STPG2: variants seen among roughly 807,000 people sequenced by gnomAD.
STPG2 encodes the protein sperm tail PG-rich repeat containing 2, also known as sperm-tail PG-rich repeat-containing protein 2.
A neutral mutation model predicts 54.2 loss-of-function variants in STPG2; 56 were observed. That is an observed-to-expected ratio of 1.03 (90% CI 0.83 to 1.29). The LOEUF is 1.29. Ranked by LOEUF, STPG2 falls within the 50% of genes most tolerant of loss-of-function variation. The pLI, the probability that STPG2 is intolerant of heterozygous loss-of-function variation, is 0.00. For missense variants in STPG2, 596 were observed against 544.9 expected, an observed-to-expected ratio of 1.09 and a Z score of -0.93; for synonymous variants, 200 against 181.8, an observed-to-expected ratio of 1.10 and a Z score of -0.81.
At chr4:97,505,344 T>C (rs998519454) in intron 4 of STPG2, among the ~76,000 whole-genome samples, 3 of 151,978 alleles carry the variant, frequency 2.0e-5, no homozygotes, top group Non-Finnish European at 4.4e-5. Flanking sequence ...TCAGCAAATA[T>C]GTACTTTTTA....
At chr4:98,044,330 T>C (rs952362556) in intron 5 of STPG2, among the ~76,000 whole-genome samples, 1 of 152,168 alleles carries the variant, frequency 6.6e-6, no homozygotes, top group Admixed American at 6.5e-5. Flanking sequence ...TCATCTCAAC[T>C]TTAAAAATTC....
At chr4:98,104,481 C>G (rs1739132973) in intron 5 of STPG2, among the ~76,000 whole-genome samples, 1 of 152,054 alleles carries the variant, frequency 6.6e-6, no homozygotes, top group African/African-American at 2.4e-5. Context: ...TTTTATTTCT[C>G]TAGTTTTAAG....
At chr4:97,847,299 T>A (rs919471665) in intron 8 of STPG2, among the ~76,000 whole-genome samples, 8 of 152,160 alleles carry the variant, frequency 5.3e-5, no homozygotes, top group African/African-American at 1.4e-4. Flanking sequence ...ATTTTAAGCA[T>A]CTCTAATATT....
chr4:97,797,635 T>A (rs1727240982), intron 9 of STPG2, among the ~76,000 whole-genome samples: 1 of 152,194 alleles, frequency 6.6e-6, no homozygotes, highest in African/African-American at 2.4e-5. Context: ...TCAGGGATAT[T>A]GGTCTAAAAT....
intron 10 of STPG2, among the ~76,000 whole-genome samples, chr4:97,593,754 A>T (rs1733207726): frequency 6.6e-6 from 1 of 152,148 alleles, no homozygotes; most frequent in South Asian, 2.1e-4. Flanking sequence ...AGCACTACAC[A>T]TCAGAGTGCT....
At chr4:97,599,646 AC>A (rs1395190987) in intron 10 of STPG2, among the ~76,000 whole-genome samples, 2 of 151,856 alleles carry the variant, frequency 1.3e-5, no homozygotes, top group African/African-American at 4.8e-5. Context: ...ACACGGTGAA[AC>A]CCCGTCTCTA....
chr4:97,999,316 C>A (rs1479128121), intron 5 of STPG2, among the ~76,000 whole-genome samples: 1 of 152,184 alleles, frequency 6.6e-6, no homozygotes, highest in African/African-American at 2.4e-5. Flanking sequence ...TCCTAGTTAC[C>A]AACTTCCCTT....
intron 5 of STPG2, among the ~76,000 whole-genome samples, chr4:98,099,289 A>G (rs1429484644): frequency 1.3e-5 from 2 of 152,036 alleles, no homozygotes; most frequent in Non-Finnish European, 2.9e-5. Flanking sequence ...GCCATACAAA[A>G]GAATGAGATT....
intron 8 of STPG2, among the ~76,000 whole-genome samples, chr4:97,884,696 A>C (rs1730499689): frequency 6.6e-6 from 1 of 152,176 alleles, no homozygotes. Context: ...GGTAAAGAAA[A>C]AAAGAAGCAA....
chr4:97,849,420 A>G (rs11731073), intron 8 of STPG2, among the ~76,000 whole-genome samples: 87,758 of 150,864 alleles, frequency 0.58, 26,111 homozygotes, highest in East Asian at 0.74. Flanking sequence ...ATTGACAAAT[A>G]GGATCTCATT....
intron 9 of STPG2, among the ~76,000 whole-genome samples, chr4:97,783,956 A>G (rs1209926379): frequency 6.6e-6 from 1 of 152,034 alleles, no homozygotes; most frequent in African/African-American, 2.4e-5. Flanking sequence ...ATTAGGAGAC[A>G]TACCTAATGT....
chr4:98,002,433 C>A (rs777828473), intron 5 of STPG2, among the ~76,000 whole-genome samples: 15 of 151,822 alleles, frequency 9.9e-5, no homozygotes, highest in Non-Finnish European at 2.1e-4. Flanking sequence ...ATCTTCTGCT[C>A]AAAGAAGTAT....
chr4:97,460,172 C>T (rs1729627131), intron 4 of STPG2, among the ~76,000 whole-genome samples: 1 of 152,164 alleles, frequency 6.6e-6, no homozygotes, highest in South Asian at 2.1e-4. Flanking sequence ...CCTGCATCTG[C>T]ACCCCTATAT....
chr4:98,119,885 C>G (rs961055300), intron 3 of STPG2, among the ~76,000 whole-genome samples: 9 of 152,098 alleles, frequency 5.9e-5, no homozygotes, highest in African/African-American at 2.2e-4. Context: ...GCTTCCAGCT[C>G]CATCCATGTC....
At chr4:97,588,427 T>C (rs998335106) in intron 10 of STPG2, among the ~76,000 whole-genome samples, 1 of 152,102 alleles carries the variant, frequency 6.6e-6, no homozygotes. Flanking sequence ...TTAGTGTGTA[T>C]TGAATATGAG....
intron 4 of STPG2, among the ~76,000 whole-genome samples, chr4:97,529,500 G>C (rs778897533): frequency 2.3e-4 from 35 of 151,974 alleles, no homozygotes; most frequent in Non-Finnish European, 1.8e-4. Context: ...GCATCATAAA[G>C]TGAGTTAGGG....
chr4:97,926,595 A>C (rs1247517347), intron 8 of STPG2, among the ~76,000 whole-genome samples: 2 of 152,144 alleles, frequency 1.3e-5, no homozygotes, highest in African/African-American at 4.8e-5. Context: ...TCCGAAGTAA[A>C]ACACTTATTC....
chr4:97,791,935 A>G (rs1398116510), intron 9 of STPG2, among the ~76,000 whole-genome samples: 1 of 152,168 alleles, frequency 6.6e-6, no homozygotes, highest in Non-Finnish European at 1.5e-5. Flanking sequence ...CATTGGTAGA[A>G]GAATGCTCAA....
chr4:97,531,831 G>A (rs1442544165), intron 4 of STPG2, among the ~76,000 whole-genome samples: 1 of 152,096 alleles, frequency 6.6e-6, no homozygotes, highest in Non-Finnish European at 1.5e-5. Flanking sequence ...TAATTTCATT[G>A]TACATTAAAG....
Sources: allele counts gnomAD v4.1 joint callset (sites outside exome capture counted in the v4.1 genomes callset), GRCh38; gene constraint gnomAD v4.1.1; transcripts MANE v1.5; gene names NCBI Gene and HGNC (gene_info 2026-07-23, HGNC 2026-07-21).